PTPRT: variants seen among roughly 807,000 people sequenced by gnomAD.
PTPRT encodes receptor-type tyrosine-protein phosphatase T.
In PTPRT, 56 loss-of-function variants were observed where a neutral mutation model predicts 176.8. The ratio of observed to expected loss-of-function variants is 0.32; its 90% confidence interval spans 0.26 to 0.40. The LOEUF is 0.40. Ranked by LOEUF, PTPRT falls within the 10% of genes least tolerant of loss-of-function variation. PTPRT has a pLI of 1.00. For synonymous variants in PTPRT, 783 were observed against 739.0 expected (o/e 1.06, Z -0.96); for missense variants, 1,540 against 1,908.2 (o/e 0.81, Z 3.60).
chr20:42,516,970 A>G (rs1194299326), intron 7 of PTPRT, among the ~76,000 whole-genome samples: 2 of 152,128 alleles, frequency 1.3e-5, no homozygotes, highest in Non-Finnish European at 2.9e-5. Context: ...TGGTTTCTGA[A>G]TGTGCATAAG....
At chr20:43,142,989 A>G (rs550117164) in intron 1 of PTPRT, among the ~76,000 whole-genome samples, 2 of 152,288 alleles carry the variant, frequency 1.3e-5, no homozygotes, top group African/African-American at 4.8e-5. Context: ...CCACCTTACA[A>G]ATAAGTGAAC....
At chr20:42,414,338 G>T (rs1463630033) in intron 9 of PTPRT, among the ~76,000 whole-genome samples, 2 of 152,134 alleles carry the variant, frequency 1.3e-5, no homozygotes, top group African/African-American at 4.8e-5. Context: ...GTTTAATGTT[G>T]AAATAATCCA....
chr20:43,077,884 C>A (rs574058821), intron 1 of PTPRT, among the ~76,000 whole-genome samples: 4 of 152,180 alleles, frequency 2.6e-5, no homozygotes, highest in Non-Finnish European at 4.4e-5. Flanking sequence ...TCTAGACCAA[C>A]CCTAACTGTC....
chr20:42,284,017 T>C (rs1413022275), intron 12 of PTPRT, among the ~76,000 whole-genome samples: 1 of 152,038 alleles, frequency 6.6e-6, no homozygotes, highest in Non-Finnish European at 1.5e-5. Context: ...GTCTGGATAA[T>C]GAAAGATGGT....
intron 1 of PTPRT, among the ~76,000 whole-genome samples, chr20:43,095,305 C>T (rs1222624635): frequency 6.6e-6 from 1 of 152,110 alleles, no homozygotes; most frequent in East Asian, 1.9e-4. Context: ...ATTTCTCCCA[C>T]CAGCACTGAG....
At chr20:42,348,968 G>A (rs537894549) in intron 11 of PTPRT, among the ~76,000 whole-genome samples, 41 of 152,266 alleles carry the variant, frequency 2.7e-4, no homozygotes, top group African/African-American at 9.1e-4. Flanking sequence ...AGATTCAGAG[G>A]GAAAGTGTAA....
At chr20:42,872,643 C>A (rs2078865161) in intron 2 of PTPRT, among the ~76,000 whole-genome samples, 1 of 152,190 alleles carries the variant, frequency 6.6e-6, no homozygotes, top group Non-Finnish European at 1.5e-5. Flanking sequence ...GAAATGCCTT[C>A]TTCTTGATTC....
intron 1 of PTPRT, among the ~76,000 whole-genome samples, chr20:43,172,630 G>A (rs549612034): frequency 2.0e-5 from 3 of 152,270 alleles, no homozygotes; most frequent in Non-Finnish European, 4.4e-5. Context: ...TATAACCAAG[G>A]ATGGCTAGTA....
At chr20:42,621,952 G>A (rs1294174973) in intron 7 of PTPRT, among the ~76,000 whole-genome samples, 1 of 152,146 alleles carries the variant, frequency 6.6e-6, no homozygotes, top group Admixed American at 6.5e-5. Flanking sequence ...AAAAGCAGAG[G>A]TGAAATGAGA....
intron 7 of PTPRT, among the ~76,000 whole-genome samples, chr20:42,669,755 G>T (rs1379865677): frequency 6.6e-6 from 1 of 151,984 alleles, no homozygotes; most frequent in Non-Finnish European, 1.5e-5. Flanking sequence ...AAAGACCCTT[G>T]CCTGTGGGAC....
intron 17 of PTPRT, among the ~76,000 whole-genome samples, chr20:42,144,575 G>T (rs1988778280): frequency 6.6e-6 from 1 of 152,152 alleles, no homozygotes. Flanking sequence ...ACAGGGAAGG[G>T]TGCAGTCAGT....
chr20:42,711,229 G>A (rs1325518926), intron 6 of PTPRT, among the ~76,000 whole-genome samples: 2 of 152,196 alleles, frequency 1.3e-5, no homozygotes, highest in African/African-American at 4.8e-5. Flanking sequence ...AAATGAATGT[G>A]TTTTGCATGT....
chr20:42,706,123 C>A (rs550731617), intron 6 of PTPRT, among the ~76,000 whole-genome samples: 1 of 151,648 alleles, frequency 6.6e-6, no homozygotes, highest in Non-Finnish European at 1.5e-5. Flanking sequence ...GTATGTCTGT[C>A]TGTCTGTGTC....
chr20:42,320,542 T>C (rs2057785844), intron 11 of PTPRT, among the ~76,000 whole-genome samples: 1 of 152,146 alleles, frequency 6.6e-6, no homozygotes, highest in South Asian at 2.1e-4. Context: ...TAGTCCACGT[T>C]CTCCCAGAAG....
At chr20:42,768,374 T>A (rs1016854659) in intron 5 of PTPRT, among the ~76,000 whole-genome samples, 2 of 152,170 alleles carry the variant, frequency 1.3e-5, no homozygotes, top group Admixed American at 1.3e-4. Context: ...GAAACAGGCC[T>A]GTGAAACTCA....
intron 9 of PTPRT, among the ~76,000 whole-genome samples, chr20:42,410,078 A>T (rs1414624362): frequency 1.3e-5 from 2 of 152,170 alleles, no homozygotes; most frequent in Non-Finnish European, 2.9e-5. Flanking sequence ...TTTCATGCAA[A>T]AACTTAGGGA....
At chr20:43,178,711 TGACCTA>T (rs758008883) in intron 1 of PTPRT, among the ~76,000 whole-genome samples, 17 of 152,314 alleles carry the variant, frequency 1.1e-4, no homozygotes, top group Admixed American at 5.2e-4. Context: ...GCAGCAGCCC[TGACCTA>T]GACACCTAGA....
At chr20:42,881,317 G>A (rs528959211) in intron 2 of PTPRT, among the ~76,000 whole-genome samples, 7 of 152,276 alleles carry the variant, frequency 4.6e-5, no homozygotes, top group Non-Finnish European at 8.8e-5. Context: ...CTATGATAAC[G>A]ATTTTGAAAG....
chr20:42,589,502 A>G (rs773056272), intron 7 of PTPRT, among the ~76,000 whole-genome samples: 2 of 152,198 alleles, frequency 1.3e-5, no homozygotes, highest in Non-Finnish European at 2.9e-5. Context: ...TCCTGCATCC[A>G]TCTTCTTCAA....
Sources: gnomAD v4.1 joint callset for allele counts (sites outside exome capture counted in the v4.1 genomes callset) on GRCh38, gnomAD v4.1.1 for gene constraint, MANE v1.5 for transcripts, NCBI Gene and HGNC (gene_info 2026-07-23, HGNC 2026-07-21) for gene names.